The following INPP5D variants were observed in gnomAD, a reference collection of about 807,000 sequenced individuals.
The protein encoded by INPP5D is phosphatidylinositol 3,4,5-trisphosphate 5-phosphatase 1.
INPP5D carries 33 observed loss-of-function variants against 122.9 expected under a neutral mutation model. The observed-to-expected ratio is 0.27, with a 90% CI of 0.20 to 0.36. The LOEUF (loss-of-function observed/expected upper bound fraction) is 0.36, where lower values mean the gene tolerates loss of function less well. INPP5D is among the 10% of genes least tolerant of loss of function. The probability of loss-of-function intolerance (pLI) is 1.00; values close to 1 mark genes in which losing one functional copy is unlikely to be tolerated. For synonymous variants in INPP5D, 584 were observed against 576.2 expected (o/e 1.01, Z -0.19); for missense variants, 1,053 against 1,412.7 (o/e 0.75, Z 4.08).
intron 11 of INPP5D, among the ~76,000 whole-genome samples, chr2:233,163,073 A>G (rs1423374783): frequency 2.0e-5 from 3 of 152,168 alleles, no homozygotes; most frequent in Non-Finnish European, 4.4e-5. Flanking sequence ...ATTTACTCCA[A>G]TGCTTGGCTT....
intron 2 of INPP5D, among the ~76,000 whole-genome samples, chr2:233,099,157 G>A (rs1387818001): frequency 6.6e-6 from 1 of 152,024 alleles, no homozygotes; most frequent in Non-Finnish European, 1.5e-5. Flanking sequence ...TGCTATGTTG[G>A]CCAGGCTGGT....
At chr2:233,131,471 T>G (rs1172116210) in intron 5 of INPP5D, among the ~76,000 whole-genome samples, 1 of 150,680 alleles carries the variant, frequency 6.6e-6, no homozygotes, top group African/African-American at 2.5e-5. Context: ...CCGAGGCAGG[T>G]GGATCACCTG....
intron 9 of INPP5D, among the ~76,000 whole-genome samples, chr2:233,149,504 G>T (rs1371317736): frequency 6.6e-6 from 1 of 152,166 alleles, no homozygotes. Flanking sequence ...TGTCCTTGGA[G>T]ACAGGATGCT....
intron 11 of INPP5D, among the ~76,000 whole-genome samples, chr2:233,163,015 G>A (rs566835662): frequency 5.3e-5 from 8 of 152,242 alleles, no homozygotes; most frequent in East Asian, 1.9e-4. Flanking sequence ...CCGGGGGTTC[G>A]GGCACCCACT....
chr2:233,184,264 G>A (rs916907109), intron 19 of INPP5D, 144 bp from the exon 20 acceptor site: 180 of 1,211,364 alleles, frequency 1.5e-4, no homozygotes, highest in Middle Eastern at 2.3e-4. Context: ...GCTGGATTTC[G>A]CTGTAGCTTT....
rs1574783320 is a variant in INPP5D at position 233,170,390 on chromosome 2, C to T, written c.1792-106C>T. On this transcript the variant is annotated intron_variant, in intron 15 of 26. Coordinates refer to ENST00000445964, the MANE Select transcript of INPP5D (RefSeq NM_001017915.3). The surrounding 1 kb of genome is among the most constrained non-coding windows in gnomAD (Gnocchi z 4.5). ...ACTGTCACAGCCACCCTGCCACCAT[C>T]ACTCTGCAGCCCGGGTCATCCAGCT... is the stretch of plus-strand genomic sequence containing the variant. 1.3e-6 allele frequency: 2 copies of T among 1,535,310 alleles called. No homozygotes were observed. Among genetic ancestry groups the T allele is most frequent in the African/African-American group, 2.7e-5 (2 of 73,152 alleles).
At chr2:233,075,791 G>A in intron 1 of INPP5D, among the ~76,000 whole-genome samples, 1 of 152,108 alleles carries the variant, frequency 6.6e-6, no homozygotes, top group South Asian at 2.1e-4. Context: ...GGTGCTGTAT[G>A]TTTTCCCTTG....
Position 233,206,873 on chromosome 2 carries a change from C to A in INPP5D, c.*165C>A. The A allele has an allele frequency of 8.0e-6, 5 of 627,762 alleles. No homozygotes were observed. In the South Asian group the frequency reaches 8.6e-5, roughly 11 times the overall value. 38.9% of individuals were successfully genotyped at this position (627,762 alleles called of 1,614,324 possible). ...TCTGTGTGGCCCACAGAGTTCACTG[C>A]CTGTGAGACTTAGCACCAAGTGCTG... On this transcript the variant is annotated 3_prime_UTR_variant, in exon 27 of 27. Coordinates refer to ENST00000445964, the MANE Select transcript of INPP5D (RefSeq NM_001017915.3). This position sits in a 1 kb window ranked among gnomAD's most constrained non-coding sequence, Gnocchi z 4.0.
At chr2:233,084,912 C>T (rs549219722) in intron 2 of INPP5D, among the ~76,000 whole-genome samples, 2 of 152,360 alleles carry the variant, frequency 1.3e-5, no homozygotes, top group East Asian at 1.9e-4. Flanking sequence ...TAGAAGCCTG[C>T]ATTTTGAATT....
chr2:233,204,145 A>G lies in INPP5D; in HGVS notation c.2995A>G (p.Asn999Asp). 1 of 1,562,388 alleles carries G rather than the reference A, an allele frequency of 6.4e-7. No homozygotes were observed. The highest frequency in any genetic ancestry group is 8.7e-7 in the Non-Finnish European group (1 of 1,154,540). ...CTCTAGGCCCAGTGACCTGGGGAAGAACGCAGGGGACACGCTGCCTCAGGA... is the reference window on the plus strand; with the variant it reads ...CTCTAGGCCCAGTGACCTGGGGAAGGACGCAGGGGACACGCTGCCTCAGGA... Reference protein sequence around the residue: ...QESRPSDLGKNAGDTLPQEDL... With the variant: ...QESRPSDLGKDAGDTLPQEDL... Residue 999 changes from asparagine (N) to aspartate (D), a missense_variant, in exon 26 of 27, where the codon AAC becomes GAC. Physicochemically the swap from Asn to Asp is conservative, Grantham distance 23. This residue lies in a region of INPP5D where 417 missense variants were observed against 425.8 expected (regional missense o/e 0.98). Coordinates refer to ENST00000445964, the MANE Select transcript of INPP5D (RefSeq NM_001017915.3).
At chr2:233,103,208 G>A (rs966330612) in intron 2 of INPP5D, among the ~76,000 whole-genome samples, 3 of 152,170 alleles carry the variant, frequency 2.0e-5, no homozygotes, top group Non-Finnish European at 4.4e-5. Context: ...CCCAGTGATG[G>A]GCATCCAGGT....
intron 20 of INPP5D, among the ~76,000 whole-genome samples, chr2:233,185,277 G>A (rs953332053): frequency 3.5e-5 from 4 of 113,642 alleles, no homozygotes; most frequent in African/African-American, 1.4e-4. Context: ...TCTGGTCCCT[G>A]CCTCCTTCTC....
At chr2:233,195,149 C>T (rs977035932) in intron 23 of INPP5D, among the ~76,000 whole-genome samples, 8 of 152,116 alleles carry the variant, frequency 5.3e-5, no homozygotes, top group African/African-American at 1.2e-4. Context: ...TTGCTGAGAC[C>T]AGTAAGTTGG....
intron 1 of INPP5D, among the ~76,000 whole-genome samples, chr2:233,069,844 C>T (rs964612023): frequency 2.0e-5 from 3 of 151,946 alleles, no homozygotes; most frequent in African/African-American, 4.8e-5. Flanking sequence ...TTATAGATTC[C>T]GAGGAGTGGA....
intron 2 of INPP5D, 144 bp from the exon 3 acceptor site, chr2:233,121,961 TCA>T: frequency 2.4e-6 from 2 of 821,110 alleles, no homozygotes; most frequent in Non-Finnish European, 3.9e-6. Context: ...GGCATGAGGG[TCA>T]CACACCCTGC....
At chr2:233,185,677 G>A (rs1694892841) in intron 20 of INPP5D, among the ~76,000 whole-genome samples, 166 bp from the exon 21 acceptor site, 1 of 144,654 alleles carries the variant, frequency 6.9e-6, no homozygotes, top group African/African-American at 2.5e-5. Context: ...AGAATCCCCG[G>A]CAGGCCTGAC....
At chr2:233,073,628 G>A (rs1016469765) in intron 1 of INPP5D, among the ~76,000 whole-genome samples, 89 of 98,264 alleles carry the variant, frequency 9.1e-4, no homozygotes, top group African/African-American at 3.2e-3. Flanking sequence ...CGACAAGAGC[G>A]AAACTCAATC....
intron 1 of INPP5D, among the ~76,000 whole-genome samples, chr2:233,073,089 C>T (rs1691423249): frequency 6.6e-6 from 1 of 152,192 alleles, no homozygotes; most frequent in Admixed American, 6.5e-5. Context: ...CTTCACTCAC[C>T]CTGCTGGTGC....
chr2:233,134,062 A>G, intron 5 of INPP5D: 1 of 455,514 alleles, frequency 2.2e-6, no homozygotes, highest in Non-Finnish European at 4.4e-6. Flanking sequence ...ATGTGGGGTG[A>G]AGGGAAGATG....
Sources: gnomAD v4.1 joint callset for allele counts (sites outside exome capture counted in the v4.1 genomes callset) on GRCh38, gnomAD v4.1.1 for gene constraint, gnomAD v4.1.1 regional missense constraint, Gnocchi (gnomAD v3.1) non-coding constraint, MANE v1.5 for transcripts, NCBI Gene and HGNC (gene_info 2026-07-23, HGNC 2026-07-21) for gene names.